FGF14: variants seen among roughly 807,000 people sequenced by gnomAD.
The protein encoded by FGF14 is fibroblast growth factor 14.
Under a neutral mutation model 25.5 loss-of-function variants are expected in FGF14, and 5 were observed. The ratio of observed to expected loss-of-function variants is 0.20; its 90% CI spans 0.10 to 0.41. The LOEUF (loss-of-function observed/expected upper bound fraction) is 0.41, where lower values mean the gene tolerates loss of function less well. Among genes scored for constraint, FGF14 ranks in the 10% least tolerant of loss-of-function variants. The probability of loss-of-function intolerance (pLI) is 1.00; values close to 1 mark genes in which losing one functional copy is unlikely to be tolerated. For missense variants in FGF14, 222 were observed against 320.1 expected (o/e 0.69, Z 2.34); for synonymous variants, 138 against 118.3 (o/e 1.17, Z -1.08).
intron 1 of FGF14, among the ~76,000 whole-genome samples, chr13:102,091,910 C>T (rs775186559): frequency 1.1e-4 from 16 of 152,172 alleles, no homozygotes; most frequent in African/African-American, 2.4e-4. Context: ...TGGACTCTGA[C>T]CACTACCTCT....
chr13:102,044,374 G>T (rs1243818136), intron 1 of FGF14, among the ~76,000 whole-genome samples: 1 of 151,686 alleles, frequency 6.6e-6, no homozygotes, highest in Non-Finnish European at 1.5e-5. Flanking sequence ...AAAAAAAACT[G>T]CTTTTATTAA....
At chr13:101,803,712 G>A (rs1419026652) in intron 3 of FGF14, among the ~76,000 whole-genome samples, 5 of 152,114 alleles carry the variant, frequency 3.3e-5, no homozygotes, top group African/African-American at 1.2e-4. Flanking sequence ...GATGTGTCCT[G>A]GATGGCACCT....
At chr13:101,960,556 T>A (rs945237392) in intron 1 of FGF14, among the ~76,000 whole-genome samples, 3 of 152,242 alleles carry the variant, frequency 2.0e-5, no homozygotes, top group Non-Finnish European at 4.4e-5. Flanking sequence ...TTTTCCATAG[T>A]GTATATGTAC....
chr13:101,796,966 G>A (rs2040561765), intron 3 of FGF14, among the ~76,000 whole-genome samples: 1 of 151,904 alleles, frequency 6.6e-6, no homozygotes, highest in Non-Finnish European at 1.5e-5. Context: ...ACCTCCACGG[G>A]ATAACTATCT....
At chr13:101,993,144 A>G (rs920183605) in intron 1 of FGF14, among the ~76,000 whole-genome samples, 1 of 151,808 alleles carries the variant, frequency 6.6e-6, no homozygotes, top group Non-Finnish European at 1.5e-5. Context: ...CTCTTTAGAA[A>G]TCACACACTC....
chr13:102,089,618 A>T (rs1416347325), intron 1 of FGF14, among the ~76,000 whole-genome samples: 1 of 152,188 alleles, frequency 6.6e-6, no homozygotes, highest in African/African-American at 2.4e-5. Flanking sequence ...ATTATTTAGC[A>T]TTCAGTTATG....
chr13:102,178,958 A>G (rs1276111628), intron 1 of FGF14, among the ~76,000 whole-genome samples: 1 of 152,152 alleles, frequency 6.6e-6, no homozygotes, highest in Non-Finnish European at 1.5e-5. Flanking sequence ...TACAAACAGT[A>G]AGCAGTGATG....
At chr13:101,962,048 T>G (rs1414681683) in intron 1 of FGF14, among the ~76,000 whole-genome samples, 1 of 121,932 alleles carries the variant, frequency 8.2e-6, no homozygotes, top group African/African-American at 2.9e-5. Context: ...TTATACAGGC[T>G]TTTTTTTGGC....
chr13:102,067,799 T>C (rs560639266), intron 1 of FGF14, among the ~76,000 whole-genome samples: 1 of 152,014 alleles, frequency 6.6e-6, no homozygotes, highest in East Asian at 1.9e-4. Context: ...AATACTCAAG[T>C]ACAAGAAGGT....
chr13:102,165,744 A>C (rs1376050655), intron 1 of FGF14, among the ~76,000 whole-genome samples: 1 of 151,000 alleles, frequency 6.6e-6, no homozygotes, highest in Non-Finnish European at 1.5e-5. Flanking sequence ...CAGCACACCA[A>C]CATGGCACAT....
upstream of FGF14, chr13:102,401,900 G>C (rs1449967513): frequency 1.7e-6 from 1 of 591,208 alleles, no homozygotes; most frequent in Admixed American, 3.0e-5. Flanking sequence ...AAACTAATCA[G>C]GGAGAACAGT....
intron 1 of FGF14, among the ~76,000 whole-genome samples, chr13:101,953,046 A>ATAAC (rs950511327): frequency 7.3e-5 from 11 of 151,646 alleles, no homozygotes; most frequent in African/African-American, 2.7e-4. Flanking sequence ...AAATAAATAA[A>ATAAC]TAAACTGTCT....
At chr13:102,116,545 A>ATTAAG (rs1272913185) in intron 1 of FGF14, among the ~76,000 whole-genome samples, 2 of 152,212 alleles carry the variant, frequency 1.3e-5, no homozygotes, top group Non-Finnish European at 2.9e-5. Context: ...AAAATATTAT[A>ATTAAG]TTAAGTAAAA....
chr13:102,155,293 T>C (rs988601824), intron 1 of FGF14, among the ~76,000 whole-genome samples: 3 of 152,098 alleles, frequency 2.0e-5, no homozygotes, highest in African/African-American at 7.2e-5. Flanking sequence ...TGTCAAAGGA[T>C]AGAAATTATA....
chr13:101,841,721 T>A (rs1444482764), intron 3 of FGF14, among the ~76,000 whole-genome samples: 1 of 151,930 alleles, frequency 6.6e-6, no homozygotes, highest in Non-Finnish European at 1.5e-5. Flanking sequence ...CTAGGACTCG[T>A]CTTTCTGTAG....
chr13:101,765,516 G>C (rs2038323137), intron 3 of FGF14, among the ~76,000 whole-genome samples: 1 of 152,112 alleles, frequency 6.6e-6, no homozygotes, highest in African/African-American at 2.4e-5. Context: ...GAGGCAAGCA[G>C]GTGAACTGAT....
intron 1 of FGF14, among the ~76,000 whole-genome samples, chr13:102,251,236 T>G (rs1418106122): frequency 1.3e-5 from 2 of 152,126 alleles, no homozygotes; most frequent in Non-Finnish European, 2.9e-5. Flanking sequence ...GGTACAAGGT[T>G]CCCTCCTGGC....
At chr13:101,777,857 G>A (rs1330468464) in intron 3 of FGF14, among the ~76,000 whole-genome samples, 1 of 152,028 alleles carries the variant, frequency 6.6e-6, no homozygotes, top group Non-Finnish European at 1.5e-5. Flanking sequence ...CCAGCTAGTC[G>A]GGAGGCTAGG....
chr13:102,266,712 G>T (rs2053008675), intron 1 of FGF14, among the ~76,000 whole-genome samples: 1 of 151,966 alleles, frequency 6.6e-6, no homozygotes, highest in Non-Finnish European at 1.5e-5. Context: ...GATAAAACAT[G>T]AACTCACCAA....
Sources: allele counts gnomAD v4.1 joint callset (sites outside exome capture counted in the v4.1 genomes callset), GRCh38; gene constraint gnomAD v4.1.1; transcripts MANE v1.5; gene names NCBI Gene and HGNC (gene_info 2026-07-23, HGNC 2026-07-21).